PDE4D: variants seen among roughly 807,000 people sequenced by gnomAD.
PDE4D encodes 3',5'-cyclic-AMP phosphodiesterase 4D.
In PDE4D, 24 loss-of-function variants were observed where a neutral mutation model predicts 87.4. The ratio of observed to expected loss-of-function variants is 0.27; its 90% CI spans 0.20 to 0.39. The LOEUF (loss-of-function observed/expected upper bound fraction) is 0.39, where lower values mean the gene tolerates loss of function less well. Among genes scored for constraint, PDE4D ranks in the 10% least tolerant of loss-of-function variants. The pLI, the probability that PDE4D is intolerant of heterozygous loss-of-function variation, is 1.00. For synonymous variants in PDE4D, 384 were observed against 383.2 expected, an observed-to-expected ratio of 1.00 and a Z score of -0.02; for missense variants, 714 against 1,041.0, an observed-to-expected ratio of 0.69 and a Z score of 4.32.
intron 1 of PDE4D, among the ~76,000 whole-genome samples, chr5:60,415,425 C>T (rs573376906): frequency 1.8e-4 from 27 of 152,370 alleles, no homozygotes; most frequent in African/African-American, 5.8e-4. Flanking sequence ...AGGCCGGAGC[C>T]GGCGCCCTCA....
intron 5 of PDE4D, among the ~76,000 whole-genome samples, chr5:59,106,029 T>C (rs922939362): frequency 1.3e-5 from 2 of 152,220 alleles, no homozygotes; most frequent in Admixed American, 1.3e-4. Context: ...TTAGTTTTAA[T>C]GTGAGAAGAA....
intron 2 of PDE4D, among the ~76,000 whole-genome samples, chr5:59,202,336 C>T (rs950089703): frequency 1.3e-5 from 2 of 151,876 alleles, no homozygotes. Flanking sequence ...CACAGCGCCT[C>T]GCCCGTTTTG....
intron 2 of PDE4D, among the ~76,000 whole-genome samples, chr5:60,025,333 C>T (rs1385779040): frequency 6.6e-6 from 1 of 152,110 alleles, no homozygotes; most frequent in East Asian, 1.9e-4. Context: ...GAATCAAAGA[C>T]ATTATGCCCC....
intron 2 of PDE4D, among the ~76,000 whole-genome samples, chr5:60,179,234 T>C (rs1223473037): frequency 6.6e-6 from 1 of 152,148 alleles, no homozygotes; most frequent in Non-Finnish European, 1.5e-5. Flanking sequence ...AGGGTCTCTC[T>C]AACTATATAC....
intron 1 of PDE4D, among the ~76,000 whole-genome samples, chr5:59,542,776 T>G (rs547649233): frequency 1.2e-4 from 19 of 152,250 alleles, no homozygotes; most frequent in African/African-American, 4.6e-4. Context: ...GAATTTGACA[T>G]CTTGTTGAAA....
Position 59,586,282 on chromosome 5 carries a change from T to C in PDE4D, c.455+306886A>G, listed in dbSNP as rs77025776. The C allele has an allele frequency of 3.6e-6, 5 of 1,394,146 alleles. No individual in the cohort carries two copies. In the East Asian group the frequency reaches 9.1e-5, roughly 25 times the overall value. The allele number at this position is 1,394,146 out of a possible 1,614,324, so 86.4% of individuals were successfully genotyped here. ...CCTCATCTGGTACCTGTCACGGAAT[T>C]TGATAATTCTGAGTTTTACAAACTG... On this transcript the variant is annotated intron_variant, in intron 1 of 14. Coordinates refer to ENST00000340635, the MANE Select transcript of PDE4D (RefSeq NM_001104631.2).
At chr5:59,455,250 T>C (rs1391087379) in intron 1 of PDE4D, among the ~76,000 whole-genome samples, 1 of 151,984 alleles carries the variant, frequency 6.6e-6, no homozygotes, top group African/African-American at 2.4e-5. Flanking sequence ...AGGAAAAAAA[T>C]GGTTTCATGG....
chr5:59,462,775 T>C (rs73758508), intron 1 of PDE4D, among the ~76,000 whole-genome samples: 3,115 of 152,244 alleles, frequency 0.02, 111 homozygotes, highest in African/African-American at 0.069. Flanking sequence ...TAGAATGAAC[T>C]GTGTCTTTCA....
intron 1 of PDE4D, among the ~76,000 whole-genome samples, chr5:59,671,837 A>AT (rs1172096397): frequency 2.6e-5 from 4 of 151,844 alleles, no homozygotes; most frequent in African/African-American, 4.8e-5. Context: ...TAAAGAAATA[A>AT]TTTTTTTCAA....
intron 5 of PDE4D, among the ~76,000 whole-genome samples, chr5:59,041,653 C>T (rs1397752274): frequency 6.6e-6 from 1 of 152,142 alleles, no homozygotes; most frequent in African/African-American, 2.4e-5. Flanking sequence ...TGAGGTTCGG[C>T]TTTCTGTGGC....
At chr5:59,267,955 T>C (rs528427460) in intron 1 of PDE4D, among the ~76,000 whole-genome samples, 2 of 152,112 alleles carry the variant, frequency 1.3e-5, no homozygotes, top group East Asian at 3.9e-4. Context: ...CTACACTGAG[T>C]TTCATTAATG....
At chr5:59,849,540 T>G (rs1440499454) in intron 1 of PDE4D, among the ~76,000 whole-genome samples, 1 of 151,928 alleles carries the variant, frequency 6.6e-6, no homozygotes, top group African/African-American at 2.4e-5. Context: ...CTCTATTATT[T>G]ATATGTTTTA....
chr5:60,493,234 T>G (rs1169488803), intron 1 of PDE4D, among the ~76,000 whole-genome samples: 1 of 152,206 alleles, frequency 6.6e-6, no homozygotes, highest in East Asian at 1.9e-4. Flanking sequence ...GTTTAAACAT[T>G]CCTGCATGAG....
intron 1 of PDE4D, among the ~76,000 whole-genome samples, chr5:59,504,027 A>G (rs1293917841): frequency 6.6e-6 from 1 of 151,960 alleles, no homozygotes; most frequent in Non-Finnish European, 1.5e-5. Context: ...TTTCTTTTAT[A>G]TATTGGGGTC....
intron 2 of PDE4D, among the ~76,000 whole-genome samples, chr5:60,128,570 G>A (rs116371480): frequency 0.013 from 1,990 of 152,358 alleles, 14 homozygotes; most frequent in Non-Finnish European, 0.02. Flanking sequence ...AAACCCAGGT[G>A]TCTGGGTGAC....
chr5:59,349,500 C>CA (rs1479372968), intron 1 of PDE4D, among the ~76,000 whole-genome samples: 1 of 152,152 alleles, frequency 6.6e-6, no homozygotes, highest in Non-Finnish European at 1.5e-5. Flanking sequence ...CTCTTAAAAT[C>CA]ACTTGATGGG....
chr5:59,351,488 G>A (rs185608749), intron 1 of PDE4D, among the ~76,000 whole-genome samples: 19 of 152,262 alleles, frequency 1.2e-4, no homozygotes, highest in Admixed American at 7.9e-4. Flanking sequence ...GACACAGGAT[G>A]GAGTTGACCT....
Position 59,486,680 on chromosome 5 carries a change from G to A in PDE4D, c.456-270712C>T, listed in dbSNP as rs182345985. Among the ~76,000 whole-genome samples the A allele has an allele frequency of 1.1e-3, 162 of 152,270 alleles. 1 individual carries two copies. Among genetic ancestry groups the A allele is most frequent in the Middle Eastern group, 3.4e-3 (1 of 294 alleles). ...TGTCATACAACATGCAAGGAGTGGA[G>A]CTGAGGTTTAAAGATGTACTCAGGT... On this transcript the variant is annotated intron_variant, in intron 1 of 14. Coordinates refer to ENST00000340635, the MANE Select transcript of PDE4D (RefSeq NM_001104631.2).
intron 2 of PDE4D, among the ~76,000 whole-genome samples, chr5:60,015,815 C>A (rs1440222011): frequency 6.6e-6 from 1 of 152,072 alleles, no homozygotes; most frequent in Non-Finnish European, 1.5e-5. Flanking sequence ...AAAATCCACT[C>A]CTTGGGTCTT....
Sources: allele counts gnomAD v4.1 joint callset (sites outside exome capture counted in the v4.1 genomes callset), GRCh38; gene constraint gnomAD v4.1.1; transcripts MANE v1.5; gene names NCBI Gene and HGNC (gene_info 2026-07-23, HGNC 2026-07-21).